The following CPD variants were observed in gnomAD, a reference collection of about 807,000 sequenced individuals.
CPD encodes the protein carboxypeptidase D.
CPD carries 69 observed loss-of-function variants against 138.3 expected under a neutral mutation model. The observed-to-expected ratio is 0.50, with a 90% CI of 0.41 to 0.61. The LOEUF is 0.61. Among genes scored for constraint, CPD ranks in the 20% least tolerant of loss-of-function variants. The pLI is 0.00. For synonymous variants in CPD, 651 were observed against 642.1 expected, an observed-to-expected ratio of 1.01 and a Z score of -0.21; for missense variants, 1,432 against 1,733.3, an observed-to-expected ratio of 0.83 and a Z score of 3.09.
chr17:30,448,600 A>G (rs1181572773), intron 12 of CPD, among the ~76,000 whole-genome samples: 1 of 151,398 alleles, frequency 6.6e-6, no homozygotes, highest in Non-Finnish European at 1.5e-5. Flanking sequence ...TAATATGATT[A>G]TTTTTTTCTG....
At position 30,465,318 on chromosome 17, in the gene CPD, T is replaced by C. The variant is rs1913607191; in HGVS notation, c.*504T>C. On this transcript the variant is annotated 3_prime_UTR_variant, in exon 21 of 21. Transcript: ENST00000225719. ...AGCTGGAGTTTTTCTTATTCAGGTT[T>C]AATGGAGGTTGAATTGATTTTTAAA... 6.3e-6 allele frequency: 1 copy of C among 157,742 alleles called. No individual in the cohort carries two copies. Among genetic ancestry groups the C allele is most frequent in the Non-Finnish European group, 1.4e-5 (1 of 71,430 alleles). The allele number at this position is 157,742 out of a possible 1,614,324, so 9.8% of individuals were successfully genotyped here.
intron 20 of CPD, among the ~76,000 whole-genome samples, chr17:30,462,722 T>C (rs1441642505): frequency 6.6e-6 from 1 of 152,016 alleles, no homozygotes; most frequent in Admixed American, 6.5e-5. Flanking sequence ...CACACAGAAA[T>C]ATAGAGGTGT....
chr17:30,386,497 C>T (rs1409389793), intron 2 of CPD, among the ~76,000 whole-genome samples: 1 of 152,000 alleles, frequency 6.6e-6, no homozygotes, highest in Admixed American at 6.5e-5. Flanking sequence ...GTGTAGAGCT[C>T]AGTGGTACTA....
chr17:30,459,206 T>TATTATTTA (rs34075038), intron 17 of CPD, among the ~76,000 whole-genome samples: 22 of 122,964 alleles, frequency 1.8e-4, no homozygotes, highest in African/African-American at 4.2e-4. Context: ...TTTATTTATT[T>TATTATTTA]TTATTTATTA....
intron 8 of CPD, among the ~76,000 whole-genome samples, chr17:30,436,786 A>G (rs1030237726): frequency 1.3e-5 from 2 of 152,220 alleles, no homozygotes; most frequent in African/African-American, 4.8e-5. Flanking sequence ...AGAGAAATGG[A>G]AACATGTATT....
chr17:30,451,677 G>A (rs535213378), intron 13 of CPD, 34 bp from the exon 14 acceptor site: 61 of 1,605,118 alleles, frequency 3.8e-5, no homozygotes, highest in Non-Finnish European at 5.0e-5. Flanking sequence ...TCTACATGCA[G>A]CTAGTAACTC....
At chr17:30,444,098 G>T in intron 11 of CPD, 127 bp downstream of exon 11, 2 of 901,732 alleles carry the variant, frequency 2.2e-6, no homozygotes, top group South Asian at 3.9e-5. Flanking sequence ...CGAAGTTTAG[G>T]GCTGGTTATA....
chr17:30,394,453 A>G (rs1416634470), intron 2 of CPD, among the ~76,000 whole-genome samples: 1 of 152,172 alleles, frequency 6.6e-6, no homozygotes, highest in African/African-American at 2.4e-5. Flanking sequence ...TTGTTTATAC[A>G]GTACCATCAG....
chr17:30,422,242 A>G (rs561089333), intron 4 of CPD, among the ~76,000 whole-genome samples: 160 of 152,338 alleles, frequency 1.1e-3, no homozygotes, highest in Non-Finnish European at 1.9e-3. Flanking sequence ...CTGGAAGCTC[A>G]CTTTGATAAG....
chr17:30,456,302 T>A lies in CPD; in HGVS notation c.3384T>A (p.Asn1128Lys). ...TLKHLASLYA[N>K]NHPSMHMGQP... ...AGCATTTGGCATCTCTTTATGCAAA[T>A]AATCATCCATCCATGCACATGGGTC... The change falls in exon 16 of 21, where the codon AAT becomes AAA. Residue 1128 changes from asparagine to lysine, a missense_variant. This residue lies in a region of CPD where 366 missense variants were observed against 518.8 expected (regional missense o/e 0.71). Coordinates refer to ENST00000225719, the MANE Select transcript of CPD (RefSeq NM_001304.5). 17 of 1,614,196 alleles carry A rather than the reference T, an allele frequency of 1.1e-5. No homozygotes were observed. Among genetic ancestry groups the A allele is most frequent in the Non-Finnish European group, 1.4e-5 (17 of 1,180,014 alleles).
intron 2 of CPD, among the ~76,000 whole-genome samples, chr17:30,386,745 A>G (rs1911199962): frequency 6.6e-6 from 1 of 152,170 alleles, no homozygotes; most frequent in Admixed American, 6.5e-5. Context: ...TCTTAACATA[A>G]TATTCTTAAG....
rs1912702341 is a variant in CPD at position 30,436,481 on chromosome 17, T to C, written c.2128-2494T>C. 2.0e-5 allele frequency among the ~76,000 whole-genome samples: 3 copies of C among 152,192 alleles called. No individual in the cohort carries two copies. In the South Asian group the frequency reaches 6.2e-4, roughly 32 times the overall value. The stretch of plus-strand genomic sequence containing the variant: ...GGCAAAGGATCTGAATGGACATTTC[T>C]CTGAAGAAGAGAAAATGGCCAATAA... On this transcript the variant is annotated intron_variant, in intron 8 of 20. Coordinates refer to ENST00000225719, the MANE Select transcript of CPD (RefSeq NM_001304.5).
chr17:30,421,944 T>G, intron 4 of CPD, 111 bp downstream of exon 4: 1 of 849,134 alleles, frequency 1.2e-6, no homozygotes, highest in South Asian at 2.2e-5. Flanking sequence ...GCTTTTATTT[T>G]TCCTTATTTT....
chr17:30,460,077 C>T (rs772514650), intron 17 of CPD, among the ~76,000 whole-genome samples: 7 of 152,010 alleles, frequency 4.6e-5, no homozygotes, highest in Non-Finnish European at 7.4e-5. Flanking sequence ...CTCAGCAGGC[C>T]GTGAGAAATT....
intron 2 of CPD, among the ~76,000 whole-genome samples, chr17:30,409,759 G>T (rs548027914): frequency 1.3e-5 from 2 of 151,392 alleles, no homozygotes; most frequent in African/African-American, 4.9e-5. Flanking sequence ...TTCTTTATTA[G>T]TCTTGCTAGC....
chr17:30,450,032 T>A (rs991466298), intron 13 of CPD, among the ~76,000 whole-genome samples: 60 of 151,718 alleles, frequency 4.0e-4, no homozygotes, highest in African/African-American at 1.2e-3. Context: ...ACACTACCCT[T>A]CCAGTCTTTA....
intron 2 of CPD, among the ~76,000 whole-genome samples, chr17:30,391,454 G>A (rs1467412615): frequency 6.6e-6 from 1 of 152,154 alleles, no homozygotes; most frequent in Non-Finnish European, 1.5e-5. Flanking sequence ...TACAATTTAA[G>A]GAAGGGCAGG....
intron 2 of CPD, among the ~76,000 whole-genome samples, chr17:30,416,695 C>A (rs2143399149): frequency 6.6e-6 from 1 of 152,356 alleles, no homozygotes; most frequent in East Asian, 1.9e-4. Context: ...TTTTACCAGG[C>A]TAGCTGCATC....
In CPD at chr17:30,457,595, CA is replaced by C. The variant is rs1485956836; in HGVS notation, c.3498+1070del. On this transcript the variant is annotated intron_variant, in intron 17 of 20. Coordinates refer to ENST00000225719, the MANE Select transcript of CPD (RefSeq NM_001304.5). Reference sequence around the variant, plus strand: ...TTTCCACAGCAGCTGCACCATTTTACATTCCTTACCAGCAATGTTTGAGGTT... The same window carrying C: ...TTTCCACAGCAGCTGCACCATTTTACTTCCTTACCAGCAATGTTTGAGGTT... Among the ~76,000 whole-genome samples, 3 of 152,070 alleles carry C rather than the reference CA, an allele frequency of 2.0e-5. No homozygotes were observed. In the East Asian group the frequency reaches 5.8e-4, roughly 29 times the overall value.
Sources: allele counts gnomAD v4.1 joint callset (sites outside exome capture counted in the v4.1 genomes callset), GRCh38; gene constraint gnomAD v4.1.1; regional missense constraint gnomAD v4.1.1; transcripts MANE v1.5; gene names NCBI Gene and HGNC (gene_info 2026-07-23, HGNC 2026-07-21).